SMURF2: variants seen among roughly 807,000 people sequenced by gnomAD.
SMURF2 encodes E3 ubiquitin-protein ligase SMURF2.
A neutral mutation model predicts 109.6 loss-of-function variants in SMURF2; 48 were observed. The ratio of observed to expected loss-of-function variants is 0.44; its 90% CI spans 0.35 to 0.56. SMURF2 has a LOEUF of 0.56. Among genes scored for constraint, SMURF2 ranks in the 20% least tolerant of loss-of-function variants. The pLI is 0.01. For missense variants in SMURF2, 575 were observed against 909.0 expected, an observed-to-expected ratio of 0.63 and a Z score of 4.72; for synonymous variants, 288 against 317.1, an observed-to-expected ratio of 0.91 and a Z score of 0.97.
chr17:64,595,078 C>T (rs1969799387), intron 3 of SMURF2, among the ~76,000 whole-genome samples: 1 of 152,102 alleles, frequency 6.6e-6, no homozygotes, highest in South Asian at 2.1e-4. Context: ...ATATTGATTA[C>T]CTCAGTCCTC....
intron 1 of SMURF2, among the ~76,000 whole-genome samples, chr17:64,634,784 T>C (rs1970393369): frequency 6.6e-6 from 1 of 152,202 alleles, no homozygotes; most frequent in East Asian, 1.9e-4. Flanking sequence ...ACACAGTCCT[T>C]GAATGATTTT....
chr17:64,645,751 C>A (rs1016200517), intron 1 of SMURF2, among the ~76,000 whole-genome samples: 4 of 152,134 alleles, frequency 2.6e-5, no homozygotes, highest in Non-Finnish European at 4.4e-5. Context: ...GGATTACAGA[C>A]ATATGCCACC....
chr17:64,654,897 G>A lies in SMURF2; in HGVS notation c.52+6932C>T, dbSNP rs188122289. On this transcript the variant is annotated intron_variant, in intron 1 of 18. Coordinates refer to ENST00000262435, the MANE Select transcript of SMURF2 (RefSeq NM_022739.4). ...TCACTATGTTGCCCAGGCTGGTCTC[G>A]AACTCCTGGGCTCAAGTGATCCTCC... 1.6e-3 allele frequency among the ~76,000 whole-genome samples: 242 copies of A among 150,978 alleles called. 2 individuals are homozygous for A. Among genetic ancestry groups the A allele is most frequent in the African/African-American group, 5.8e-3 (237 of 41,180 alleles).
chr17:64,625,677 G>A (rs1555691094), intron 1 of SMURF2, among the ~76,000 whole-genome samples: 1 of 152,150 alleles, frequency 6.6e-6, no homozygotes, highest in African/African-American at 2.4e-5. Flanking sequence ...TAGAGGGCCT[G>A]TTAAAATACA....
chr17:64,585,294 G>A (rs1438018067), intron 6 of SMURF2, among the ~76,000 whole-genome samples: 1 of 152,064 alleles, frequency 6.6e-6, no homozygotes, highest in Non-Finnish European at 1.5e-5. Context: ...TTTATTATGT[G>A]GCCTTAGGCA....
chr17:64,629,694 G>GAA (rs1970312335), intron 1 of SMURF2, among the ~76,000 whole-genome samples: 1 of 152,266 alleles, frequency 6.6e-6, no homozygotes, highest in Middle Eastern at 3.4e-3. Flanking sequence ...TCCTTTAATG[G>GAA]ATTAAAACCA....
At chr17:64,615,269 A>C (rs1970106370) in intron 1 of SMURF2, among the ~76,000 whole-genome samples, 2 of 152,186 alleles carry the variant, frequency 1.3e-5, no homozygotes, top group African/African-American at 4.8e-5. Flanking sequence ...CTTGAGAGAA[A>C]AAAAAAATAC....
At chr17:64,546,048 A>AGTG in intron 18 of SMURF2, 101 bp from the exon 19 acceptor site, 1 of 898,422 alleles carries the variant, frequency 1.1e-6, no homozygotes, top group Non-Finnish European at 1.8e-6. Flanking sequence ...TGTCACACAG[A>AGTG]AAACTAAAAG....
chr17:64,632,452 T>C (rs767825128), intron 1 of SMURF2, among the ~76,000 whole-genome samples: 8 of 152,118 alleles, frequency 5.3e-5, no homozygotes, highest in Non-Finnish European at 1.0e-4. Context: ...TCCCAGGAAA[T>C]GTGTGTCTAT....
chr17:64,607,692 T>C (rs1314957967), intron 1 of SMURF2, among the ~76,000 whole-genome samples: 2 of 150,648 alleles, frequency 1.3e-5, no homozygotes, highest in Non-Finnish European at 2.9e-5. Flanking sequence ...GCTTACAGGC[T>C]GGGCACAGTG....
intron 1 of SMURF2, among the ~76,000 whole-genome samples, chr17:64,633,802 C>T (rs1038008221): frequency 3.1e-4 from 42 of 137,268 alleles, no homozygotes; most frequent in Admixed American, 1.1e-3. Context: ...TAGCCCCCCA[C>T]CCCCCAAAAA....
chr17:64,624,901 T>C (rs985170172), intron 1 of SMURF2, among the ~76,000 whole-genome samples: 2 of 152,214 alleles, frequency 1.3e-5, no homozygotes, highest in East Asian at 1.9e-4. Flanking sequence ...GTATGAGCCA[T>C]AGAGGATAAG....
At chr17:64,654,179 T>C (rs913116943) in intron 1 of SMURF2, among the ~76,000 whole-genome samples, 13 of 152,070 alleles carry the variant, frequency 8.5e-5, no homozygotes, top group African/African-American at 3.1e-4. Flanking sequence ...ACGTGGTAAT[T>C]CCTCCCTAAA....
chr17:64,641,326 T>C (rs1970490138), intron 1 of SMURF2, among the ~76,000 whole-genome samples: 1 of 152,172 alleles, frequency 6.6e-6, no homozygotes, highest in African/African-American at 2.4e-5. Flanking sequence ...TAGATTAATA[T>C]ATCAAAGAAT....
chr17:64,572,074 T>C, intron 9 of SMURF2, 118 bp from the exon 10 acceptor site: 1 of 884,676 alleles, frequency 1.1e-6, no homozygotes, highest in Non-Finnish European at 1.6e-6. Flanking sequence ...TTCAGAAACT[T>C]GAGATGTTCA....
chr17:64,661,733 A>G, intron 1 of SMURF2, 96 bp downstream of exon 1: 1 of 905,564 alleles, frequency 1.1e-6, no homozygotes, highest in Non-Finnish European at 1.4e-6. Flanking sequence ...CCAACTCATC[A>G]TTGATCGCGA....
chr17:64,657,726 A>C lies in SMURF2; in HGVS notation c.52+4103T>G, dbSNP rs1191101292. Among the ~76,000 whole-genome samples the C allele has an allele frequency of 2.6e-5, 4 of 151,958 alleles. No individual in the cohort carries two copies. The East Asian group carries it at 7.7e-4, about 29-fold the overall frequency. Reference sequence around the variant, plus strand: ...AGAATGAGATTCTGCCTCAAAAAAAAAAAAGGCTAAAATAAAAATCTTGTA... The same window carrying C: ...AGAATGAGATTCTGCCTCAAAAAAACAAAAGGCTAAAATAAAAATCTTGTA... On this transcript the variant is annotated intron_variant, in intron 1 of 18. Transcript: ENST00000262435.
intron 2 of SMURF2, among the ~76,000 whole-genome samples, chr17:64,604,721 G>T (rs1385759118): frequency 1.3e-5 from 2 of 152,084 alleles, no homozygotes; most frequent in Non-Finnish European, 2.9e-5. Context: ...CAAGGCAGGA[G>T]GATCACGAGG....
At chr17:64,550,952 A>C (rs1010940377) in intron 16 of SMURF2, among the ~76,000 whole-genome samples, 1 of 152,200 alleles carries the variant, frequency 6.6e-6, no homozygotes, top group Non-Finnish European at 1.5e-5. Flanking sequence ...ATCAGTAACC[A>C]CTAAGTTAGG....
Sources: gnomAD v4.1 joint callset for allele counts (sites outside exome capture counted in the v4.1 genomes callset) on GRCh38, gnomAD v4.1.1 for gene constraint, MANE v1.5 for transcripts, NCBI Gene and HGNC (gene_info 2026-07-23, HGNC 2026-07-21) for gene names.